The following NCK2 variants were observed in gnomAD, a reference collection of about 807,000 sequenced individuals.
NCK2 encodes the protein cytoplasmic protein NCK2.
A neutral mutation model predicts 33.9 loss-of-function variants in NCK2; 16 were observed. That is an observed-to-expected ratio of 0.47 (90% confidence interval 0.32 to 0.72). The LOEUF (loss-of-function observed/expected upper bound fraction) is 0.72. NCK2 is among the 30% of genes least tolerant of loss of function. The pLI is 0.03. For missense variants in NCK2, 418 were observed against 537.3 expected, an observed-to-expected ratio of 0.78 and a Z score of 2.19; for synonymous variants, 273 against 239.9, an observed-to-expected ratio of 1.14 and a Z score of -1.27.
intron 2 of NCK2, among the ~76,000 whole-genome samples, chr2:105,840,572 T>A (rs1676605263): frequency 6.6e-6 from 1 of 152,162 alleles, no homozygotes; most frequent in Non-Finnish European, 1.5e-5. Context: ...GTCCCATAGT[T>A]TGGGGACTCA....
intron 2 of NCK2, among the ~76,000 whole-genome samples, chr2:105,839,956 C>T (rs1390713732): frequency 6.6e-6 from 1 of 152,170 alleles, no homozygotes. Flanking sequence ...AAAGGCTGGT[C>T]AGCAGTGTCT....
At chr2:105,849,916 C>T (rs577269764) in intron 2 of NCK2, among the ~76,000 whole-genome samples, 80 of 152,292 alleles carry the variant, frequency 5.3e-4, no homozygotes, top group African/African-American at 1.9e-3. Context: ...CATCCGGCCT[C>T]AGGACTTTGT....
At chr2:105,785,182 G>A (rs566327379) in intron 1 of NCK2, among the ~76,000 whole-genome samples, 1 of 152,292 alleles carries the variant, frequency 6.6e-6, no homozygotes, top group South Asian at 2.1e-4. Context: ...ATTTCACTGT[G>A]TTAGCCAGGA....
chr2:105,744,614 C>A (rs1176565773), upstream of NCK2, among the ~76,000 whole-genome samples: 1 of 152,032 alleles, frequency 6.6e-6, no homozygotes, highest in Non-Finnish European at 1.5e-5. Context: ...CCCTTTCCTG[C>A]CCCCGGCGCC....
rs913708807 is a variant in NCK2, at chr2:105,893,231, G to T, written c.*55G>T. ...GGCCCCACGGTGGAGCTGCCCGCCC[G>T]GCCTTGTGGCAGAGGCTCCTCCCGC... On this transcript the variant is annotated 3_prime_UTR_variant, in exon 5 of 5. Coordinates refer to ENST00000233154, the MANE Select transcript of NCK2 (RefSeq NM_003581.5). The T allele has an allele frequency of 2.7e-6, 4 of 1,493,150 alleles. No homozygotes were observed. The highest frequency in any genetic ancestry group is 2.8e-5 in the African/African-American group (2 of 71,622). The allele number at this position is 1,493,150 out of a possible 1,614,324, so 92.5% of individuals were successfully genotyped here. A position where few individuals can be genotyped will look rare whatever the true frequency, so the allele number is the denominator to read the frequency against.
chr2:105,830,811 C>A (rs987337268), intron 2 of NCK2, among the ~76,000 whole-genome samples: 2 of 151,328 alleles, frequency 1.3e-5, no homozygotes, highest in Admixed American at 1.3e-4. Context: ...ATTTTTTTTG[C>A]TATACTTATT....
chr2:105,800,847 G>A (rs189615206), intron 1 of NCK2, among the ~76,000 whole-genome samples: 1 of 152,308 alleles, frequency 6.6e-6, no homozygotes, highest in Non-Finnish European at 1.5e-5. Context: ...AAGTGAGTGG[G>A]AGAGCACCTT....
rs111829870 is a variant in NCK2 at position 105,762,668 on chromosome 2, A to G, written c.-201+17530A>G. 2.4e-3 allele frequency among the ~76,000 whole-genome samples: 369 copies of G among 152,338 alleles called. 2 individuals carry two copies. The highest frequency in any genetic ancestry group is 0.014 in the Middle Eastern group (4 of 294). ...AGGTAGCACAGCCCATAGCATTTACAGTCATCAGAGAAATGGTCACTATTT... is the reference window on the plus strand; with the variant it reads ...AGGTAGCACAGCCCATAGCATTTACGGTCATCAGAGAAATGGTCACTATTT... On this transcript the variant is annotated intron_variant, in intron 1 of 4. Coordinates refer to ENST00000233154, the MANE Select transcript of NCK2 (RefSeq NM_003581.5).
chr2:105,804,367 T>C (rs910825772), intron 1 of NCK2, among the ~76,000 whole-genome samples: 5 of 152,248 alleles, frequency 3.3e-5, no homozygotes, highest in African/African-American at 1.2e-4. Context: ...AGATGGTCAC[T>C]GAATGTCTTT....
At chr2:105,846,236 G>T (rs1030602776) in intron 2 of NCK2, among the ~76,000 whole-genome samples, 1 of 151,938 alleles carries the variant, frequency 6.6e-6, no homozygotes, top group Admixed American at 6.6e-5. Flanking sequence ...TAGTTGAAGC[G>T]ACAGTGCCAC....
intron 1 of NCK2, among the ~76,000 whole-genome samples, chr2:105,755,201 T>C (rs1689565977): frequency 6.6e-6 from 1 of 152,230 alleles, no homozygotes; most frequent in South Asian, 2.1e-4. Context: ...GTAGTTTCCT[T>C]ACTAGGTCTA....
chr2:105,780,825 A>T (rs1690469391), intron 1 of NCK2, among the ~76,000 whole-genome samples: 1 of 152,222 alleles, frequency 6.6e-6, no homozygotes, highest in African/African-American at 2.4e-5. Context: ...AGGAACCAGG[A>T]AGGAGGCCCT....
At chr2:105,750,145 A>G (rs1002543778) in intron 1 of NCK2, among the ~76,000 whole-genome samples, 1 of 151,212 alleles carries the variant, frequency 6.6e-6, no homozygotes, top group Non-Finnish European at 1.5e-5. Context: ...GAAGTCCATG[A>G]CCCCGGGGCC....
chr2:105,753,071 C>T (rs934790541), intron 1 of NCK2, among the ~76,000 whole-genome samples: 2 of 152,216 alleles, frequency 1.3e-5, no homozygotes, highest in Non-Finnish European at 2.9e-5. Context: ...CAGCTAGACT[C>T]TGACCAAGCT....
At chr2:105,828,729 C>G (rs1188400040) in intron 2 of NCK2, among the ~76,000 whole-genome samples, 1 of 152,224 alleles carries the variant, frequency 6.6e-6, no homozygotes, top group Non-Finnish European at 1.5e-5. Flanking sequence ...CCCCTTGGGG[C>G]TGCTGTAGGA....
rs1357933482 is a variant in NCK2, at chr2:105,893,896, A to G, written c.*720A>G. ...CAATTATGTATTTAATTCTCAAAGA[A>G]ATATGTATCTGTAGCCGTTTGTTGA... On this transcript the variant is annotated 3_prime_UTR_variant, in exon 5 of 5. Coordinates refer to ENST00000233154, the MANE Select transcript of NCK2 (RefSeq NM_003581.5). The G allele has an allele frequency of 6.6e-6, 1 of 152,598 alleles. No individual in the cohort carries two copies. Among genetic ancestry groups the G allele is most frequent in the Non-Finnish European group, 1.5e-5 (1 of 68,046 alleles). The allele number at this position is 152,598 out of a possible 1,614,324, so 9.5% of individuals were successfully genotyped here. A position where few individuals can be genotyped will look rare whatever the true frequency, so the allele number is the denominator to read the frequency against.
intron 3 of NCK2, among the ~76,000 whole-genome samples, chr2:105,862,005 G>A (rs1206505297): frequency 6.7e-6 from 1 of 148,304 alleles, no homozygotes; most frequent in African/African-American, 2.5e-5. Flanking sequence ...GGGGATCAGG[G>A]TAACTGGCTG....
chr2:105,873,804 T>C lies in NCK2; in HGVS notation c.227-7524T>C, dbSNP rs934411879. ...GCAACTCTTGGTTGGGGCCTGTCTC[T>C]CTGAGCCTCTCCCTGCTCACCTCTG... On this transcript the variant is annotated intron_variant, in intron 3 of 4. Coordinates refer to ENST00000233154, the MANE Select transcript of NCK2 (RefSeq NM_003581.5). Among the ~76,000 whole-genome samples, 3 of 152,234 alleles carry C rather than the reference T, an allele frequency of 2.0e-5. No individual in the cohort carries two copies. The East Asian group carries it at 5.8e-4, about 29-fold the overall frequency.
intron 1 of NCK2, among the ~76,000 whole-genome samples, chr2:105,761,767 C>A (rs1689770578): frequency 6.6e-6 from 1 of 152,144 alleles, no homozygotes; most frequent in Non-Finnish European, 1.5e-5. Flanking sequence ...GTAGTCCCAG[C>A]TACTTAGGAG....
Sources: gnomAD v4.1 joint callset for allele counts (sites outside exome capture counted in the v4.1 genomes callset) on GRCh38, gnomAD v4.1.1 for gene constraint, MANE v1.5 for transcripts, NCBI Gene and HGNC (gene_info 2026-07-23, HGNC 2026-07-21) for gene names.